GNB4: variants seen among roughly 807,000 people sequenced by gnomAD.
GNB4 encodes G protein subunit beta 4, also known as guanine nucleotide-binding protein subunit beta-4.
In GNB4, 28 loss-of-function variants were observed where a neutral mutation model predicts 45.2. The observed-to-expected ratio is 0.62, with a 90% CI of 0.46 to 0.85. GNB4 has a LOEUF of 0.85. Ranked by LOEUF, GNB4 falls within the 40% of genes least tolerant of loss-of-function variation. GNB4 has a pLI of 0.00. For missense variants in GNB4, 321 were observed against 425.4 expected (o/e 0.75, Z 2.16); for synonymous variants, 132 against 143.7 (o/e 0.92, Z 0.58).
chr3:179,413,831 C>T (rs753392893), intron 6 of GNB4, 50 bp from the exon 7 acceptor site: 4 of 1,332,532 alleles, frequency 3.0e-6, no homozygotes, highest in Non-Finnish European at 4.3e-6. Context: ...TTGAATAACT[C>T]AGTTACCATG....
the GNB4 span, among the ~76,000 whole-genome samples, chr3:179,508,982 G>T: frequency 3.3e-5 from 4 of 119,410 alleles, no homozygotes; most frequent in African/African-American, 1.1e-4. Flanking sequence ...AATTTGAATT[G>T]GAAATATCAG....
chr3:179,488,708 T>G, the GNB4 span, among the ~76,000 whole-genome samples: 1 of 151,952 alleles, frequency 6.6e-6, no homozygotes, highest in African/African-American at 2.4e-5. Context: ...GTCTTGGCCA[T>G]GCATGGCGGT....
At chr3:179,488,269 G>C in the GNB4 span, among the ~76,000 whole-genome samples, 1 of 152,132 alleles carries the variant, frequency 6.6e-6, no homozygotes, top group East Asian at 1.9e-4. Context: ...TGACATACAG[G>C]ACCTAACTGT....
At position 179,415,017 on chromosome 3, in the gene GNB4, C is replaced by A. The variant is rs1714756536; in HGVS notation, c.298G>T (p.Val100Leu). The A allele has an allele frequency of 6.2e-7, 1 of 1,607,070 alleles. No homozygotes were observed. The highest frequency in any genetic ancestry group is 8.5e-7 in the Non-Finnish European group (1 of 1,175,334). ...MHAIPLRSSW[V>L]MTCAYAPSGN... ...GAGGGAGCATAAGCACAGGTCATCA[C>A]CCAGGAGGACCTCAAAGGAATAGCA... The change falls in exon 6 of 10, where the codon GTG becomes TTG. Residue 100 changes from valine (V) to leucine (L), a missense_variant. Physicochemically the swap from Val to Leu is conservative, Grantham distance 32 (BLOSUM62 1). Transcript: ENST00000232564.
chr3:179,487,346 T>C, the GNB4 span, among the ~76,000 whole-genome samples: 2 of 152,154 alleles, frequency 1.3e-5, no homozygotes, highest in African/African-American at 2.4e-5. Flanking sequence ...GCCCCCAAAA[T>C]TGAATGTTTT....
At position 179,410,786 on chromosome 3, in the gene GNB4, A is replaced by G. The variant is rs148309668; in HGVS notation, c.699+2626T>C. Among the ~76,000 whole-genome samples the G allele has an allele frequency of 1.7e-4, 26 of 152,338 alleles. No individual in the cohort carries two copies. The East Asian group carries it at 4.6e-3, about 27-fold the overall frequency. Reference sequence around the variant, plus strand: ...CCCACAGTCCCAGACTATCAGGAAAAAAGTAAAACAGAAATTACCAACATC... The same window carrying G: ...CCCACAGTCCCAGACTATCAGGAAAGAAGTAAAACAGAAATTACCAACATC... On this transcript the variant is annotated intron_variant, in intron 8 of 9. Transcript: ENST00000232564.
chr3:179,510,988 G>A, the GNB4 span, among the ~76,000 whole-genome samples: 2 of 152,034 alleles, frequency 1.3e-5, no homozygotes, highest in East Asian at 1.9e-4. Flanking sequence ...TCCATGCTCT[G>A]ACTCCCACCC....
At chr3:179,470,597 T>G in the GNB4 span, among the ~76,000 whole-genome samples, 1 of 151,422 alleles carries the variant, frequency 6.6e-6, no homozygotes, top group East Asian at 1.9e-4. Context: ...TAGGCTGGAG[T>G]GCAATGGCGC....
the GNB4 span, among the ~76,000 whole-genome samples, chr3:179,495,476 GAAAGAAAGAAGT>G: frequency 1.3e-5 from 2 of 149,826 alleles, no homozygotes; most frequent in Non-Finnish European, 3.0e-5. Flanking sequence ...ACCCCATCAT[GAAAGAAAGAAGT>G]AAAGAAAGAA....
At chr3:179,443,584 T>C (rs534839578) in intron 1 of GNB4, among the ~76,000 whole-genome samples, 1 of 152,264 alleles carries the variant, frequency 6.6e-6, no homozygotes, top group African/African-American at 2.4e-5. Context: ...AGAAATAGAA[T>C]ACAGCATCCA....
intron 8 of GNB4, among the ~76,000 whole-genome samples, chr3:179,407,784 A>G (rs1714516535): frequency 6.6e-6 from 1 of 152,104 alleles, no homozygotes; most frequent in Admixed American, 6.5e-5. Flanking sequence ...AAAGACACCC[A>G]AAAAGATTAC....
At chr3:179,506,002 G>A in the GNB4 span, among the ~76,000 whole-genome samples, 1 of 152,208 alleles carries the variant, frequency 6.6e-6, no homozygotes, top group Non-Finnish European at 1.5e-5. Context: ...GCAATATTTG[G>A]CAAAATTAAG....
chr3:179,405,492 T>C (rs976180708), intron 8 of GNB4, 86 bp from the exon 9 acceptor site: 1 of 936,462 alleles, frequency 1.1e-6, no homozygotes, highest in Non-Finnish European at 1.6e-6. Flanking sequence ...TCTAGATTAA[T>C]ATTCCAACTT....
intron 3 of GNB4, 124 bp from the exon 4 acceptor site, chr3:179,419,629 T>C: frequency 1.5e-6 from 1 of 669,234 alleles, no homozygotes; most frequent in South Asian, 1.7e-5. Flanking sequence ...TGAAGGTAAT[T>C]TAATGTATAT....
At chr3:179,443,895 C>G (rs1470975326) in intron 1 of GNB4, among the ~76,000 whole-genome samples, 1 of 152,210 alleles carries the variant, frequency 6.6e-6, no homozygotes, top group Non-Finnish European at 1.5e-5. Context: ...AGGGTCTTAT[C>G]TCTACCATGC....
the GNB4 span, among the ~76,000 whole-genome samples, chr3:179,510,209 A>C: frequency 6.6e-6 from 1 of 152,016 alleles, no homozygotes; most frequent in Non-Finnish European, 1.5e-5. Flanking sequence ...AAGCTATCCA[A>C]AATCCCCAGT....
the GNB4 span, among the ~76,000 whole-genome samples, chr3:179,470,733 C>T: frequency 2.0e-5 from 3 of 151,676 alleles, no homozygotes; most frequent in Non-Finnish European, 4.4e-5. Flanking sequence ...TTAGTAGAGA[C>T]GGGGTTTTAT....
chr3:179,472,092 C>A, the GNB4 span, among the ~76,000 whole-genome samples: 1 of 151,944 alleles, frequency 6.6e-6, no homozygotes, highest in Admixed American at 6.6e-5. Context: ...GGGAAAAACT[C>A]ACTAAACGTA....
At chr3:179,465,132 A>G in the GNB4 span, 1 of 1,324,390 alleles carries the variant, frequency 7.6e-7, no homozygotes, top group Admixed American at 1.7e-5. Context: ...ATCACAGCAG[A>G]TATGATCAAG....
Sources: gnomAD v4.1 joint callset for allele counts (sites outside exome capture counted in the v4.1 genomes callset) on GRCh38, gnomAD v4.1.1 for gene constraint, MANE v1.5 for transcripts, NCBI Gene and HGNC (gene_info 2026-07-23, HGNC 2026-07-21) for gene names.